IL15: variants seen among roughly 807,000 people sequenced by gnomAD.
The protein encoded by IL15 is interleukin-15.
IL15 carries 11 observed loss-of-function variants against 19.6 expected under a neutral mutation model. The ratio of observed to expected loss-of-function variants is 0.56; its 90% CI spans 0.35 to 0.93. The LOEUF is 0.93. Ranked by LOEUF, IL15 falls within the 40% of genes least tolerant of loss-of-function variation. IL15 has a pLI of 0.01. For synonymous variants in IL15, 58 were observed against 59.6 expected (o/e 0.97, Z 0.12); for missense variants, 197 against 186.5 (o/e 1.06, Z -0.33).
At chr4:141,651,745 C>A (rs888943456) in intron 1 of IL15, among the ~76,000 whole-genome samples, 1 of 151,966 alleles carries the variant, frequency 6.6e-6, no homozygotes, top group Admixed American at 6.6e-5. Context: ...TGTTCTCACT[C>A]CGTATTTATC....
At chr4:141,675,896 C>T (rs557628618) in intron 2 of IL15, among the ~76,000 whole-genome samples, 3 of 152,010 alleles carry the variant, frequency 2.0e-5, no homozygotes, top group Non-Finnish European at 2.9e-5. Flanking sequence ...GAAAGTCATA[C>T]CTATAGACCA....
chr4:141,695,858 G>C (rs1729076197), intron 2 of IL15, among the ~76,000 whole-genome samples: 1 of 151,972 alleles, frequency 6.6e-6, no homozygotes, highest in Admixed American at 6.5e-5. Context: ...TATTCAGATG[G>C]GTAGTTTGTA....
intron 1 of IL15, among the ~76,000 whole-genome samples, chr4:141,642,038 G>A (rs1727062479): frequency 1.3e-5 from 2 of 150,198 alleles, no homozygotes; most frequent in South Asian, 2.1e-4. Flanking sequence ...AAATAATAAC[G>A]TGCTCTTGAA....
chr4:141,729,903 A>G lies in IL15; in HGVS notation c.297A>G (p.Ser99=). The change falls in exon 7 of 8, where the codon TCA becomes TCG. Residue 99 remains serine (S), a synonymous_variant. Coordinates refer to ENST00000320650, the MANE Select transcript of IL15 (RefSeq NM_000585.5). ...TTCTCTTGGAGTTACAAGTTATTTC[A>G]CTTGAGTCCGGAGATGCAAGTATTC... ...KCFLLELQVI[S]LESGDASIHD... The G allele has an allele frequency of 6.3e-7, 1 of 1,585,886 alleles. No individual in the cohort carries two copies.
chr4:141,731,230 C>T (rs1242443936), intron 7 of IL15, among the ~76,000 whole-genome samples: 3 of 152,108 alleles, frequency 2.0e-5, no homozygotes, highest in Middle Eastern at 3.2e-3. Flanking sequence ...AATCCCTTCC[C>T]TATCTGAGCA....
At chr4:141,652,981 A>C (rs1430694962) in intron 1 of IL15, among the ~76,000 whole-genome samples, 3 of 152,140 alleles carry the variant, frequency 2.0e-5, no homozygotes, top group African/African-American at 7.2e-5. Flanking sequence ...CATCATTACA[A>C]ATTCTCATCT....
chr4:141,667,656 C>T (rs535503650), intron 2 of IL15, among the ~76,000 whole-genome samples: 1 of 152,022 alleles, frequency 6.6e-6, no homozygotes, highest in Non-Finnish European at 1.5e-5. Context: ...CTTCTGCTTT[C>T]CGGGGCTCTG....
intron 1 of IL15, among the ~76,000 whole-genome samples, chr4:141,642,825 T>C (rs970595578): frequency 6.6e-6 from 1 of 152,224 alleles, no homozygotes; most frequent in African/African-American, 2.4e-5. Context: ...ACAGCTTTAA[T>C]GTCTGTAAAC....
chr4:141,652,616 TG>T (rs1454698944), intron 1 of IL15, among the ~76,000 whole-genome samples: 2 of 152,092 alleles, frequency 1.3e-5, no homozygotes, highest in Admixed American at 1.3e-4. Context: ...ATACATTTCA[TG>T]TGAAGCTAAG....
At chr4:141,690,210 A>G (rs1728864337) in intron 2 of IL15, among the ~76,000 whole-genome samples, 1 of 152,086 alleles carries the variant, frequency 6.6e-6, no homozygotes, top group Non-Finnish European at 1.5e-5. Context: ...CAAGCGCCGC[A>G]CGCAGGCCCG....
At chr4:141,707,465 T>A (rs1351329220) in intron 2 of IL15, among the ~76,000 whole-genome samples, 1 of 152,238 alleles carries the variant, frequency 6.6e-6, no homozygotes, top group African/African-American at 2.4e-5. Context: ...TTGCTTTTAT[T>A]ATATTTCCTT....
chr4:141,719,119 G>A (rs559027082), intron 2 of IL15: 2 of 217,636 alleles, frequency 9.2e-6, no homozygotes, highest in East Asian at 2.0e-4. Context: ...GCTTTGCTAA[G>A]GCATTGTAAT....
At chr4:141,685,941 G>A (rs1728695436) in intron 2 of IL15, among the ~76,000 whole-genome samples, 1 of 152,060 alleles carries the variant, frequency 6.6e-6, no homozygotes, top group South Asian at 2.1e-4. Context: ...ATTTGTAGGG[G>A]CAGGAACTCT....
chr4:141,664,583 T>C (rs991870028), intron 2 of IL15, among the ~76,000 whole-genome samples: 15 of 152,276 alleles, frequency 9.9e-5, no homozygotes, highest in African/African-American at 3.6e-4. Context: ...TAAAAAGAAT[T>C]GCAAATAGCA....
chr4:141,698,467 C>T (rs1273570841), intron 2 of IL15, among the ~76,000 whole-genome samples: 1 of 146,150 alleles, frequency 6.8e-6, no homozygotes, highest in African/African-American at 2.5e-5. Context: ...TGGTCCTGGA[C>T]TTTTTTTTTT....
intron 2 of IL15, among the ~76,000 whole-genome samples, chr4:141,686,042 A>G (rs573149226): frequency 6.6e-6 from 1 of 152,194 alleles, no homozygotes; most frequent in East Asian, 1.9e-4. Context: ...CACGTCTATA[A>G]TCCCAGCATT....
rs758367894 is a variant in IL15 at position 141,732,756 on chromosome 4, T to G, written c.397T>G (p.Cys133Gly). The G allele has an allele frequency of 6.2e-7, 1 of 1,611,940 alleles. No individual in the cohort carries two copies. Among genetic ancestry groups the G allele is most frequent in the South Asian group, 1.1e-5 (1 of 90,308 alleles). The change falls in exon 8 of 8, where the codon TGC becomes GGC. Residue 133 changes from cysteine (C) to glycine (G), a missense_variant. Physicochemically the swap from Cys to Gly is radical, Grantham distance 159. Transcript: ENST00000320650. ...TTTGCAGAATGTAACAGAATCTGGA[T>G]GCAAAGAATGTGAGGAACTGGAGGA... ...SSNGNVTESG[C>G]KECEELEEKN... is the part of the protein sequence containing the mutation.
chr4:141,730,318 G>A (rs957715107), intron 7 of IL15, among the ~76,000 whole-genome samples: 1 of 151,158 alleles, frequency 6.6e-6, no homozygotes, highest in African/African-American at 2.5e-5. Context: ...ATACTCAAAT[G>A]TCTAACATCA....
At chr4:141,677,175 C>T (rs1467380158) in intron 2 of IL15, among the ~76,000 whole-genome samples, 2 of 152,164 alleles carry the variant, frequency 1.3e-5, no homozygotes, top group African/African-American at 4.8e-5. Flanking sequence ...CCTGCCTCTC[C>T]TTTCTCCCCT....
Sources: gnomAD v4.1 joint callset for allele counts (sites outside exome capture counted in the v4.1 genomes callset) on GRCh38, gnomAD v4.1.1 for gene constraint, MANE v1.5 for transcripts, NCBI Gene and HGNC (gene_info 2026-07-23, HGNC 2026-07-21) for gene names.